The following CIMAP2 variants were observed in gnomAD, a reference collection of about 807,000 sequenced individuals.
The protein encoded by CIMAP2 is ciliary microtubule associated protein 2.
chr1:54,835,298 C>T, the CIMAP2 span, among the ~76,000 whole-genome samples: 2 of 152,190 alleles, frequency 1.3e-5, no homozygotes, highest in African/African-American at 2.4e-5. Context: ...CTCAAGCAAT[C>T]CTCTCACCTC....
At chr1:54,839,253 G>A in the CIMAP2 span, among the ~76,000 whole-genome samples, 85 of 152,126 alleles carry the variant, frequency 5.6e-4, 1 homozygote, top group Admixed American at 1.2e-3. Context: ...GAGGGGAATA[G>A]TGGAGAATAA....
chr1:54,821,469 G>A, the CIMAP2 span, among the ~76,000 whole-genome samples: 1 of 151,968 alleles, frequency 6.6e-6, no homozygotes, highest in East Asian at 1.9e-4. Context: ...TTATTGCATG[G>A]TGTTAGAATA....
At chr1:54,811,767 C>CGGGGGGGGGCGGG in the CIMAP2 span, 1 of 1,088,166 alleles carries the variant, frequency 9.2e-7, no homozygotes, top group Non-Finnish European at 1.4e-6. Flanking sequence ...TTCTGACAGC[C>CGGGGGGGGGCGGG]TCCATGCCCC....
chr1:54,831,286 G>A, the CIMAP2 span, among the ~76,000 whole-genome samples: 11 of 152,138 alleles, frequency 7.2e-5, no homozygotes, highest in Non-Finnish European at 1.0e-4. Context: ...TATATGAAAT[G>A]CATATTTTTC....
At chr1:54,813,979 A>G in the CIMAP2 span, 11 of 1,588,288 alleles carry the variant, frequency 6.9e-6, no homozygotes, top group African/African-American at 1.4e-4. Flanking sequence ...CACACTGGTG[A>G]GTTCACTCCT....
At chr1:54,807,486 C>A in the CIMAP2 span, 1 of 1,457,994 alleles carries the variant, frequency 6.9e-7, no homozygotes, top group African/African-American at 1.4e-5. Context: ...GTAGACTGGG[C>A]GGGCGTGGCT....
the CIMAP2 span, among the ~76,000 whole-genome samples, chr1:54,814,618 G>C: frequency 6.6e-6 from 1 of 152,238 alleles, no homozygotes; most frequent in East Asian, 1.9e-4. Context: ...TCCAAGTCTG[G>C]TGTGGTCTCC....
the CIMAP2 span, among the ~76,000 whole-genome samples, chr1:54,835,352 T>C: frequency 0.21 from 31,162 of 151,472 alleles, 4,259 homozygotes; most frequent in African/African-American, 0.37. Flanking sequence ...CCACCACGCC[T>C]AGCTAATTTT....
At chr1:54,839,563 A>G in the CIMAP2 span, among the ~76,000 whole-genome samples, 1 of 151,872 alleles carries the variant, frequency 6.6e-6, no homozygotes, top group Non-Finnish European at 1.5e-5. Flanking sequence ...TTTGTAGTAG[A>G]GACAGGGTTT....
At chr1:54,816,739 A>C in the CIMAP2 span, among the ~76,000 whole-genome samples, 1 of 152,186 alleles carries the variant, frequency 6.6e-6, no homozygotes, top group Non-Finnish European at 1.5e-5. Flanking sequence ...TCACATTGGA[A>C]GAAGGGCCCA....
the CIMAP2 span, chr1:54,814,778 A>AC: frequency 1.4e-5 from 18 of 1,249,824 alleles, no homozygotes; most frequent in Non-Finnish European, 2.0e-5. Context: ...ATAGCTGGGT[A>AC]CCTCCACCGT....
the CIMAP2 span, among the ~76,000 whole-genome samples, chr1:54,837,502 C>T: frequency 1.3e-5 from 2 of 152,154 alleles, no homozygotes; most frequent in Admixed American, 1.3e-4. Context: ...TGCCATCCAA[C>T]TCCTTCCCCA....
the CIMAP2 span, among the ~76,000 whole-genome samples, chr1:54,808,255 A>G: frequency 6.6e-6 from 1 of 152,210 alleles, no homozygotes; most frequent in Non-Finnish European, 1.5e-5. Flanking sequence ...TATAATACGT[A>G]TATAAGCAGG....
At chr1:54,811,766 C>CGGGGGGGGGCGG in the CIMAP2 span, 3 of 1,305,188 alleles carry the variant, frequency 2.3e-6, no homozygotes, top group Non-Finnish European at 3.2e-6. Context: ...GTTCTGACAG[C>CGGGGGGGGGCGG]CTCCATGCCC....
the CIMAP2 span, among the ~76,000 whole-genome samples, chr1:54,819,181 G>A: frequency 9.2e-5 from 14 of 152,138 alleles, no homozygotes; most frequent in Non-Finnish European, 2.1e-4. Context: ...CCTGGGTGGG[G>A]GTAAGTGTGG....
chr1:54,825,208 G>A, the CIMAP2 span, among the ~76,000 whole-genome samples: 69 of 151,464 alleles, frequency 4.6e-4, no homozygotes, highest in Admixed American at 1.1e-3. Flanking sequence ...CTGACACCAC[G>A]CCCAGCTAAT....
chr1:54,835,039 G>A, the CIMAP2 span, among the ~76,000 whole-genome samples: 2 of 152,128 alleles, frequency 1.3e-5, no homozygotes, highest in African/African-American at 4.8e-5. Flanking sequence ...GCTCCAGCAC[G>A]CATACTGCAT....
chr1:54,811,765 G>GCGGGGGGGGGGC, the CIMAP2 span: 1 of 1,301,332 alleles, frequency 7.7e-7, no homozygotes, highest in Non-Finnish European at 1.1e-6. Context: ...GGTTCTGACA[G>GCGGGGGGGGGGC]CCTCCATGCC....
At chr1:54,842,006 T>G in the CIMAP2 span, 1 of 893,020 alleles carries the variant, frequency 1.1e-6, no homozygotes. Flanking sequence ...AGGGGAGAGA[T>G]GTATGGGGAT....
Sources: allele counts gnomAD v4.1 joint callset (sites outside exome capture counted in the v4.1 genomes callset), GRCh38; gene constraint gnomAD v4.1.1; transcripts MANE v1.5; gene names NCBI Gene and HGNC (gene_info 2026-07-23, HGNC 2026-07-21).